MDGA2: variants seen among roughly 807,000 people sequenced by gnomAD.
MDGA2 encodes the protein MAM domain-containing glycosylphosphatidylinositol anchor protein 2.
MDGA2 carries 40 observed loss-of-function variants against 117.8 expected under a neutral mutation model. That is an observed-to-expected ratio of 0.34 (90% confidence interval 0.26 to 0.44). The LOEUF is 0.44. Ranked by LOEUF, MDGA2 falls within the 20% of genes least tolerant of loss-of-function variation. The probability of loss-of-function intolerance (pLI) is 1.00; values close to 1 mark genes in which losing one functional copy is unlikely to be tolerated. For synonymous variants in MDGA2, 452 were observed against 439.0 expected (o/e 1.03, Z -0.37); for missense variants, 1,123 against 1,250.6 (o/e 0.90, Z 1.54).
intron 1 of MDGA2, among the ~76,000 whole-genome samples, chr14:47,494,698 G>C (rs1425664252): frequency 6.6e-6 from 1 of 151,838 alleles, no homozygotes; most frequent in Non-Finnish European, 1.5e-5. Context: ...GATGATGTTT[G>C]TATATGGTGA....
chr14:47,049,713 G>C (rs1288265687), intron 7 of MDGA2, among the ~76,000 whole-genome samples: 1 of 151,970 alleles, frequency 6.6e-6, no homozygotes, highest in African/African-American at 2.4e-5. Context: ...AGGGCTGACT[G>C]TATTTCCTTT....
At chr14:47,072,040 G>C (rs1890300580) in intron 6 of MDGA2, among the ~76,000 whole-genome samples, 1 of 132,748 alleles carries the variant, frequency 7.5e-6, no homozygotes, top group African/African-American at 2.8e-5. Flanking sequence ...TATTAAACAA[G>C]AGTGAATACA....
At chr14:47,422,935 G>A (rs1454490452) in intron 1 of MDGA2, among the ~76,000 whole-genome samples, 3 of 152,060 alleles carry the variant, frequency 2.0e-5, no homozygotes, top group African/African-American at 7.2e-5. Flanking sequence ...AGATAGATAG[G>A]TAGATAGATA....
At chr14:47,670,594 T>C (rs1898056464) in intron 1 of MDGA2, among the ~76,000 whole-genome samples, 2 of 152,308 alleles carry the variant, frequency 1.3e-5, no homozygotes, top group East Asian at 1.9e-4. Context: ...ATTGGATCAC[T>C]TAGCTCTAGG....
chr14:46,911,871 G>A (rs1883718115), intron 10 of MDGA2, among the ~76,000 whole-genome samples: 1 of 152,062 alleles, frequency 6.6e-6, no homozygotes. Context: ...AATAATTCCA[G>A]TTGAGGGTCA....
At chr14:47,156,745 G>T (rs2139255412) in intron 3 of MDGA2, among the ~76,000 whole-genome samples, 1 of 152,190 alleles carries the variant, frequency 6.6e-6, no homozygotes, top group Non-Finnish European at 1.5e-5. Context: ...TTTTTCTCTG[G>T]AAAGTTCCAG....
intron 1 of MDGA2, among the ~76,000 whole-genome samples, chr14:47,614,095 C>CTTT (rs768294746): frequency 2.9e-5 from 3 of 101,704 alleles, no homozygotes; most frequent in African/African-American, 1.1e-4. Flanking sequence ...TTTCTTTTTT[C>CTTT]TTTTTTTTTT....
intron 1 of MDGA2, among the ~76,000 whole-genome samples, chr14:47,599,742 G>T (rs1395491834): frequency 6.6e-6 from 1 of 152,148 alleles, no homozygotes; most frequent in African/African-American, 2.4e-5. Context: ...ACATTCTCAA[G>T]GTTGCTCTGC....
chr14:47,055,568 T>C (rs1186709899), intron 7 of MDGA2, among the ~76,000 whole-genome samples: 5 of 152,164 alleles, frequency 3.3e-5, no homozygotes, highest in Non-Finnish European at 5.9e-5. Context: ...ATAAAATGTA[T>C]TAATGTTTGT....
intron 6 of MDGA2, among the ~76,000 whole-genome samples, chr14:47,072,941 G>C (rs577168281): frequency 1.3e-5 from 2 of 152,022 alleles, no homozygotes; most frequent in African/African-American, 4.8e-5. Flanking sequence ...TTATTTAAAC[G>C]TAACTCCCAT....
At chr14:47,042,314 T>G (rs1271543835) in intron 7 of MDGA2, among the ~76,000 whole-genome samples, 1 of 45,274 alleles carries the variant, frequency 2.2e-5, no homozygotes, top group Non-Finnish European at 4.6e-5. Flanking sequence ...AAATCTATGT[T>G]TTTTTTTTTT....
chr14:47,148,594 GTA>G (rs1455963396), intron 3 of MDGA2, among the ~76,000 whole-genome samples: 3 of 152,156 alleles, frequency 2.0e-5, no homozygotes, highest in Non-Finnish European at 2.9e-5. Flanking sequence ...TGGATCCTGT[GTA>G]TGACATTTCT....
Position 47,192,639 on chromosome 14 carries a change from AAAAT to A in MDGA2, c.595+25378_595+25381del, listed in dbSNP as rs982418984. Among the ~76,000 whole-genome samples, 87 of 152,162 alleles carry A rather than the reference AAAAT, an allele frequency of 5.7e-4. 1 individual carries two copies. Among genetic ancestry groups the A allele is most frequent in the African/African-American group, 1.7e-3 (72 of 41,528 alleles). On this transcript the variant is annotated intron_variant, in intron 3 of 16. Transcript: ENST00000399232. ...GTCTCAAAAATAAAATAAATAAATA[AAAAT>A]AAATAAATAAACAAGATATGGAAAA...
intron 8 of MDGA2, among the ~76,000 whole-genome samples, chr14:46,985,145 A>T (rs1213517242): frequency 1.3e-5 from 2 of 152,066 alleles, no homozygotes; most frequent in African/African-American, 4.8e-5. Flanking sequence ...CTTCTGTGGG[A>T]TTCAATTCCT....
At chr14:46,959,289 G>A (rs1407727769) in intron 8 of MDGA2, among the ~76,000 whole-genome samples, 2 of 138,390 alleles carry the variant, frequency 1.4e-5, no homozygotes, top group Admixed American at 7.3e-5. Context: ...GTGTGTGTGT[G>A]TGTGTGTGTG....
chr14:47,205,507 G>A (rs79980473), intron 3 of MDGA2, among the ~76,000 whole-genome samples: 5,837 of 151,746 alleles, frequency 0.038, 223 homozygotes, highest in East Asian at 0.19. Context: ...TTTATTAGAG[G>A]TCTATTTTTC....
intron 1 of MDGA2, among the ~76,000 whole-genome samples, chr14:47,548,904 A>T (rs1204104929): frequency 6.6e-6 from 1 of 152,182 alleles, no homozygotes; most frequent in Non-Finnish European, 1.5e-5. Flanking sequence ...TACTTCAGAC[A>T]GCAACAATGT....
intron 1 of MDGA2, among the ~76,000 whole-genome samples, chr14:47,585,597 A>G (rs1179611842): frequency 3.3e-5 from 5 of 151,820 alleles, no homozygotes; most frequent in African/African-American, 7.2e-5. Flanking sequence ...TGATTACTCA[A>G]TGTAAGCCAA....
intron 1 of MDGA2, among the ~76,000 whole-genome samples, chr14:47,383,963 T>C (rs979798650): frequency 2.9e-4 from 38 of 131,550 alleles, no homozygotes; most frequent in Non-Finnish European, 3.2e-4. Flanking sequence ...AGTCTCTATG[T>C]ATAGAGTTAA....
Sources: gnomAD v4.1 joint callset for allele counts (sites outside exome capture counted in the v4.1 genomes callset) on GRCh38, gnomAD v4.1.1 for gene constraint, MANE v1.5 for transcripts, NCBI Gene and HGNC (gene_info 2026-07-23, HGNC 2026-07-21) for gene names.